The following NUP98 variants were observed in gnomAD, a reference collection of about 807,000 sequenced individuals.
NUP98 encodes the protein nuclear pore complex protein Nup98-Nup96.
A neutral mutation model predicts 191.9 loss-of-function variants in NUP98; 26 were observed. The ratio of observed to expected loss-of-function variants is 0.14; its 90% CI spans 0.10 to 0.19. NUP98 has a LOEUF of 0.19. Ranked by LOEUF, NUP98 falls within the 10% of genes least tolerant of loss-of-function variation. The probability of loss-of-function intolerance (pLI) is 1.00; values close to 1 mark genes in which losing one functional copy is unlikely to be tolerated. For missense variants in NUP98, 1,941 were observed against 2,178.8 expected (o/e 0.89, Z 2.17); for synonymous variants, 808 against 778.4 (o/e 1.04, Z -0.63).
rs143120623 is a variant in NUP98, at chr11:3,702,778, G to A, written c.3197C>T (p.Ser1066Phe). The stretch of plus-strand genomic sequence containing the variant: ...CAGGGGTGGAGGGACAGACCAAGAG[G>A]ATGTGGATGGGATATTCATTAAAGA... ...AASLMNIPSTSSWSVPPPLTS... is the reference protein window; with the variant it reads ...AASLMNIPSTFSWSVPPPLTS... The change falls in exon 23 of 33, where the codon TCC becomes TTC. Residue 1066 changes from serine to phenylalanine, a missense_variant. Coordinates refer to ENST00000324932, the MANE Select transcript of NUP98 (RefSeq NM_016320.5). The A allele has an allele frequency of 3.7e-6, 6 of 1,614,048 alleles. No individual in the cohort carries two copies. The highest frequency in any genetic ancestry group is 3.3e-5 in the Admixed American group (2 of 60,000).
At chr11:3,725,317 C>T in intron 14 of NUP98, 98 bp from the exon 15 acceptor site, 1 of 640,240 alleles carries the variant, frequency 1.6e-6, no homozygotes. Context: ...TGGTGCACTT[C>T]TGCTCAACTC....
intron 30 of NUP98, 121 bp downstream of exon 30, chr11:3,683,079 G>A: frequency 7.0e-7 from 1 of 1,428,700 alleles, no homozygotes; most frequent in Non-Finnish European, 9.5e-7. Context: ...TGCAAAGTAT[G>A]ATTTGATTCA....
intron 14 of NUP98, among the ~76,000 whole-genome samples, chr11:3,727,596 G>T (rs1190642680): frequency 1.3e-5 from 2 of 152,068 alleles, no homozygotes; most frequent in Non-Finnish European, 2.9e-5. Flanking sequence ...GGCATGGTGG[G>T]TTTCGCTGTA....
At chr11:3,772,772 C>T (rs1404880084) in intron 6 of NUP98, among the ~76,000 whole-genome samples, 1 of 150,948 alleles carries the variant, frequency 6.6e-6, no homozygotes, top group African/African-American at 2.4e-5. Flanking sequence ...TGAGATCACG[C>T]CACTGCACTC....
chr11:3,726,267 A>G (rs1419424633), intron 14 of NUP98, among the ~76,000 whole-genome samples: 1 of 152,088 alleles, frequency 6.6e-6, no homozygotes, highest in Non-Finnish European at 1.5e-5. Flanking sequence ...CATATATTTG[A>G]AAGAAGGAAA....
intron 14 of NUP98, among the ~76,000 whole-genome samples, chr11:3,728,421 T>C (rs1466511739): frequency 3.9e-5 from 6 of 152,156 alleles, no homozygotes; most frequent in Non-Finnish European, 8.8e-5. Context: ...TAGAATCAGA[T>C]GCAAAAGAGT....
chr11:3,766,505 C>G lies in NUP98; in HGVS notation c.948+2076G>C, dbSNP rs540151723. On this transcript the variant is annotated intron_variant, in intron 8 of 32. Transcript: ENST00000324932. ...AGGAGTTTGAGACCAGCCTGACCAA[C>G]ATAGTGAAACCCCGGCTCTACTAAA... Among the ~76,000 whole-genome samples, 134 of 152,150 alleles carry G rather than the reference C, an allele frequency of 8.8e-4. No individual in the cohort carries two copies. In the South Asian group the frequency reaches 1.0e-2, roughly 11 times the overall value.
rs1295922614 is a variant in NUP98, at chr11:3,679,728, A to AG, written c.4919-21dup. 6.2e-7 allele frequency: 1 copy of AG among 1,610,576 alleles called. No homozygotes were observed. The highest frequency in any genetic ancestry group is 8.5e-7 in the Non-Finnish European group (1 of 1,178,356). On this transcript the variant is annotated intron_variant, in intron 30 of 32. Coordinates refer to ENST00000324932, the MANE Select transcript of NUP98 (RefSeq NM_016320.5). ...TGGCATCTGAAGAAACAAAGTATTG[A>AG]GCACAATGTCTGCACAAGTGCATAG... is the stretch of plus-strand genomic sequence containing the variant.
chr11:3,725,140 G>T lies in NUP98; in HGVS notation c.1810C>A (p.Leu604Ile). The T allele has an allele frequency of 6.3e-7, 1 of 1,597,990 alleles. No individual in the cohort carries two copies. Among genetic ancestry groups the T allele is most frequent in the South Asian group, 1.1e-5 (1 of 90,610 alleles). The stretch of plus-strand genomic sequence containing the variant: ...TCTGGATATTCAGATGGTGAAGCTA[G>T]ATTTTCTGAATCACGATTAACAGGA... ...FSPVNRDSEN[L>I]ASPSEYPENG... Residue 604 changes from leucine to isoleucine, a missense_variant, in exon 15 of 33, where the codon CTA becomes ATA. Around this residue, in one of 6 missense-constraint regions of NUP98, gnomAD observed 453 missense variants for 438.2 expected, o/e 1.03. Coordinates refer to ENST00000324932, the MANE Select transcript of NUP98 (RefSeq NM_016320.5).
In NUP98 at chr11:3,719,392, G is replaced by T. The variant is rs781470612; in HGVS notation, c.2399+20C>A. Reference sequence around the variant, plus strand: ...ATTGTGATTTAGCTGATAATTTTCTGTATGTACATAAACTCTTACCTATTT... The same window carrying T: ...ATTGTGATTTAGCTGATAATTTTCTTTATGTACATAAACTCTTACCTATTT... On this transcript the variant is annotated intron_variant, in intron 18 of 32. Coordinates refer to ENST00000324932, the MANE Select transcript of NUP98 (RefSeq NM_016320.5). 2 of 1,562,816 alleles carry T rather than the reference G, an allele frequency of 1.3e-6. No homozygotes were observed. Among genetic ancestry groups the T allele is most frequent in the Non-Finnish European group, 1.7e-6 (2 of 1,163,518 alleles).
intron 7 of NUP98, among the ~76,000 whole-genome samples, chr11:3,770,547 T>TTGTGTGTG (rs34103771): frequency 7.5e-5 from 11 of 146,980 alleles, no homozygotes; most frequent in African/African-American, 2.8e-4. Flanking sequence ...AAATACGTAT[T>TTGTGTGTG]TGTGTGTGTG....
chr11:3,709,827 A>AG (rs1450114308), intron 20 of NUP98, among the ~76,000 whole-genome samples: 24 of 394 alleles, frequency 0.061, 1 homozygote, highest in African/African-American at 0.14. Flanking sequence ...GGGTGGGGGG[A>AG]GGGGGGAGGG....
At chr11:3,753,602 A>C (rs2080846518) in intron 10 of NUP98, among the ~76,000 whole-genome samples, 194 bp from the exon 11 acceptor site, 1 of 151,804 alleles carries the variant, frequency 6.6e-6, no homozygotes, top group Non-Finnish European at 1.5e-5. Context: ...ACTTAATTAC[A>C]TTTCAGCCTT....
chr11:3,794,084 G>C (rs1332073702), intron 1 of NUP98, among the ~76,000 whole-genome samples: 1 of 152,166 alleles, frequency 6.6e-6, no homozygotes, highest in South Asian at 2.1e-4. Flanking sequence ...AACCTGCAGA[G>C]GATGTGTTAT....
At chr11:3,784,790 G>C (rs1287340529) in intron 1 of NUP98, among the ~76,000 whole-genome samples, 1 of 151,652 alleles carries the variant, frequency 6.6e-6, no homozygotes, top group Non-Finnish European at 1.5e-5. Context: ...GAACAAAAAT[G>C]TCTAGGGCTG....
rs958424702 is a variant in NUP98, at chr11:3,679,636, C to T, written c.4991G>A (p.Ser1664Asn). The change falls in exon 31 of 33, where the codon AGC becomes AAC. Residue 1664 changes from serine to asparagine, a missense_variant. Coordinates refer to ENST00000324932, the MANE Select transcript of NUP98 (RefSeq NM_016320.5). ...LEDLAPPERS[S>N]LIQDWETSGL... The stretch of plus-strand genomic sequence containing the variant: ...AGATGTTTCCCAATCCTGAATTAGG[C>T]TGCTGCGCTCTGGAGGTGCCAGGTC... 6.2e-7 allele frequency: 1 copy of T among 1,614,216 alleles called. No homozygotes were observed.
At chr11:3,677,690 C>T (rs750614840) in intron 31 of NUP98, among the ~76,000 whole-genome samples, 2 of 152,174 alleles carry the variant, frequency 1.3e-5, no homozygotes, top group Non-Finnish European at 2.9e-5. Flanking sequence ...AAACCCACTA[C>T]AGTGCTTGGC....
intron 26 of NUP98, among the ~76,000 whole-genome samples, chr11:3,695,120 C>A (rs560155412): frequency 2.0e-5 from 3 of 151,996 alleles, no homozygotes; most frequent in Non-Finnish European, 4.4e-5. Flanking sequence ...CCAAGATCAC[C>A]CCACTGTACT....
Position 3,705,325 on chromosome 11 carries a change from T to C in NUP98, c.2957A>G (p.Glu986Gly). 1.2e-6 allele frequency: 2 copies of C among 1,613,952 alleles called. No individual in the cohort carries two copies. Among genetic ancestry groups the C allele is most frequent in the Non-Finnish European group, 1.7e-6 (2 of 1,180,008 alleles). The change falls in exon 22 of 33, where the codon GAA (glutamate) becomes GGA (glycine). Residue 986 changes from glutamate (E) to glycine (G), a missense_variant. Coordinates refer to ENST00000324932, the MANE Select transcript of NUP98 (RefSeq NM_016320.5). ...TTGATCCAGTGCCATATCTACATCT[T>C]CTTCATCAGTAAGCAATGATGCTTT... ...IMKASLLTDEEDVDMALDQRF... is the reference protein window; with the variant it reads ...IMKASLLTDEGDVDMALDQRF...
Sources: allele counts gnomAD v4.1 joint callset (sites outside exome capture counted in the v4.1 genomes callset), GRCh38; gene constraint gnomAD v4.1.1; regional missense constraint gnomAD v4.1.1; transcripts MANE v1.5; gene names NCBI Gene and HGNC (gene_info 2026-07-23, HGNC 2026-07-21).